Variants in PBX3 observed in about 807,000 individuals in gnomAD.
PBX3 encodes the protein pre-B-cell leukemia transcription factor 3.
PBX3 carries 14 observed loss-of-function variants against 48.5 expected under a neutral mutation model. The ratio of observed to expected loss-of-function variants is 0.29; its 90% CI spans 0.19 to 0.45. The LOEUF is 0.45. Among genes scored for constraint, PBX3 ranks in the 20% least tolerant of loss-of-function variants. The pLI is 1.00. For missense variants in PBX3, 386 were observed against 546.7 expected, an observed-to-expected ratio of 0.71 and a Z score of 2.93; for synonymous variants, 210 against 200.3, an observed-to-expected ratio of 1.05 and a Z score of -0.41.
intron 5 of PBX3, among the ~76,000 whole-genome samples, chr9:125,936,613 T>C (rs1379469031): frequency 6.6e-6 from 1 of 152,174 alleles, no homozygotes; most frequent in Non-Finnish European, 1.5e-5. Flanking sequence ...TATGAAGTCA[T>C]TGTTATTTGA....
intron 2 of PBX3, among the ~76,000 whole-genome samples, chr9:125,819,595 G>A (rs530535129): frequency 6.6e-6 from 1 of 152,232 alleles, no homozygotes; most frequent in African/African-American, 2.4e-5. Context: ...TGGGAAACGT[G>A]CAAATACTAC....
intron 2 of PBX3, among the ~76,000 whole-genome samples, chr9:125,890,026 C>T (rs919762514): frequency 4.9e-4 from 75 of 152,158 alleles, no homozygotes; most frequent in African/African-American, 1.8e-3. Context: ...CGACCTTGTG[C>T]CCTGGGGTCA....
At chr9:125,961,679 A>G (rs1048758528) in intron 6 of PBX3, among the ~76,000 whole-genome samples, 3 of 152,148 alleles carry the variant, frequency 2.0e-5, no homozygotes, top group Admixed American at 6.6e-5. Flanking sequence ...AGGTATATGC[A>G]TAGCGAAGAA....
At chr9:125,820,618 T>C (rs1208007316) in intron 2 of PBX3, among the ~76,000 whole-genome samples, 1 of 152,250 alleles carries the variant, frequency 6.6e-6, no homozygotes, top group East Asian at 1.9e-4. Flanking sequence ...ACAGGCTGTC[T>C]TGACAAGTTG....
At chr9:125,791,128 C>T (rs1267608221) in intron 2 of PBX3, among the ~76,000 whole-genome samples, 6 of 152,102 alleles carry the variant, frequency 3.9e-5, no homozygotes, top group Admixed American at 6.5e-5. Context: ...TTTGGCCAGG[C>T]TAGTCTTGAA....
intron 2 of PBX3, among the ~76,000 whole-genome samples, chr9:125,824,828 G>T (rs573200851): frequency 2.6e-5 from 4 of 152,018 alleles, no homozygotes; most frequent in South Asian, 2.1e-4. Context: ...TAACAATAAC[G>T]ATAGCTACCA....
chr9:125,892,771 T>G (rs1840680016), intron 2 of PBX3, among the ~76,000 whole-genome samples: 1 of 152,330 alleles, frequency 6.6e-6, no homozygotes, highest in East Asian at 1.9e-4. Context: ...TGTGATGAAG[T>G]AAGCATCAAG....
At position 125,845,791 on chromosome 9, in the gene PBX3, G is replaced by A. The variant is rs567134285; in HGVS notation, c.275-69895G>A. 2.0e-5 allele frequency among the ~76,000 whole-genome samples: 3 copies of A among 152,004 alleles called. No homozygotes were observed. The East Asian group carries it at 5.8e-4, about 29-fold the overall frequency. ...GCCACCACTAAGCTTGGCTATTTTGGGGTTATATATGCTACTAAAGAAAAT... is the reference window on the plus strand; with the variant it reads ...GCCACCACTAAGCTTGGCTATTTTGAGGTTATATATGCTACTAAAGAAAAT... On this transcript the variant is annotated intron_variant, in intron 2 of 8. Coordinates refer to ENST00000373489, the MANE Select transcript of PBX3 (RefSeq NM_006195.6).
intron 2 of PBX3, among the ~76,000 whole-genome samples, chr9:125,868,167 A>T (rs899484391): frequency 2.7e-5 from 4 of 147,106 alleles, no homozygotes; most frequent in African/African-American, 7.6e-5. Context: ...GAGCCACTAC[A>T]CCCAGACTGC....
chr9:125,768,300 T>TTAC (rs1177270450), intron 2 of PBX3, among the ~76,000 whole-genome samples: 1 of 152,208 alleles, frequency 6.6e-6, no homozygotes, highest in Non-Finnish European at 1.5e-5. Context: ...TTGTTAAACT[T>TTAC]TCCTATGTAA....
chr9:125,844,898 T>G (rs1307712166), intron 2 of PBX3: 1 of 152,130 alleles, frequency 6.6e-6, no homozygotes, highest in Non-Finnish European at 1.5e-5. Flanking sequence ...ATAATGAAGT[T>G]TAGTAGGTTC....
rs1319224009 is a variant in PBX3 at position 125,966,072 on chromosome 9, A to C, written c.*149A>C. ...GAGAACTTGGTAAATCTGTTTTTTA[A>C]GGAATCATAATCATTTGTATTTATA... is the stretch of plus-strand genomic sequence containing the variant. On this transcript the variant is annotated 3_prime_UTR_variant, in exon 9 of 9. Transcript: ENST00000373489. 1.7e-5 allele frequency: 9 copies of C among 531,228 alleles called. No homozygotes were observed. The highest frequency in any genetic ancestry group is 3.0e-5 in the Non-Finnish European group (9 of 296,356). The allele number at this position is 531,228 out of a possible 1,614,324, so 32.9% of individuals were successfully genotyped here. A position where few individuals can be genotyped will look rare whatever the true frequency, so the allele number is the denominator to read the frequency against.
At chr9:125,767,897 T>C (rs1341811067) in intron 2 of PBX3, among the ~76,000 whole-genome samples, 1 of 151,798 alleles carries the variant, frequency 6.6e-6, no homozygotes, top group Non-Finnish European at 1.5e-5. Context: ...ATAGAACAAT[T>C]ACATGAAAGG....
At chr9:125,963,205 G>T in intron 8 of PBX3, 104 bp downstream of exon 8, 1 of 569,630 alleles carries the variant, frequency 1.8e-6, no homozygotes, top group Non-Finnish European at 3.1e-6. Context: ...TTCTTGGCAG[G>T]TAGGGAAGGC....
intron 5 of PBX3, among the ~76,000 whole-genome samples, chr9:125,955,548 G>A (rs997061366): frequency 6.6e-6 from 1 of 152,212 alleles, no homozygotes; most frequent in Non-Finnish European, 1.5e-5. Context: ...TCCAGGGAGA[G>A]GGAGGCAGGC....
At chr9:125,757,958 A>T (rs1414707698) in intron 2 of PBX3, among the ~76,000 whole-genome samples, 2 of 152,210 alleles carry the variant, frequency 1.3e-5, no homozygotes, top group African/African-American at 2.4e-5. Flanking sequence ...GAAAAAAATG[A>T]AGGAAAATTC....
At chr9:125,816,014 T>C (rs1838450420) in intron 2 of PBX3, among the ~76,000 whole-genome samples, 1 of 152,146 alleles carries the variant, frequency 6.6e-6, no homozygotes, top group Non-Finnish European at 1.5e-5. Context: ...CTCTCTCTTT[T>C]TGTTTTTTGA....
At chr9:125,846,900 CA>C (rs754030539) in intron 2 of PBX3, among the ~76,000 whole-genome samples, 1 of 151,650 alleles carries the variant, frequency 6.6e-6, no homozygotes, top group East Asian at 1.9e-4. Flanking sequence ...GCTTCTTTTC[CA>C]TTTTTTTTTT....
At chr9:125,872,727 T>C (rs1245714618) in intron 2 of PBX3, among the ~76,000 whole-genome samples, 1 of 151,524 alleles carries the variant, frequency 6.6e-6, no homozygotes, top group Admixed American at 6.6e-5. Context: ...GCCACTGCAC[T>C]CCAGCCTAGG....
Sources: gnomAD v4.1 joint callset for allele counts (sites outside exome capture counted in the v4.1 genomes callset) on GRCh38, gnomAD v4.1.1 for gene constraint, MANE v1.5 for transcripts, NCBI Gene and HGNC (gene_info 2026-07-23, HGNC 2026-07-21) for gene names.